TRIM4: variants seen among roughly 807,000 people sequenced by gnomAD.
The protein encoded by TRIM4 is E3 ubiquitin-protein ligase TRIM4.
TRIM4 carries 29 observed loss-of-function variants against 33.7 expected under a neutral mutation model. The ratio of observed to expected loss-of-function variants is 0.86; its 90% confidence interval spans 0.64 to 1.17. The LOEUF (loss-of-function observed/expected upper bound fraction) is 1.17, where lower values mean the gene tolerates loss of function less well. TRIM4 is among the 50% of genes most tolerant of loss of function. The probability of loss-of-function intolerance (pLI) is 0.00; values close to 1 mark genes in which losing one functional copy is unlikely to be tolerated. For synonymous variants in TRIM4, 224 were observed against 233.0 expected (o/e 0.96, Z 0.35); for missense variants, 554 against 593.7 (o/e 0.93, Z 0.69).
At chr7:99,916,698 T>C (rs946293202) in intron 1 of TRIM4, 12 of 780,900 alleles carry the variant, frequency 1.5e-5, no homozygotes, top group South Asian at 5.4e-5. Flanking sequence ...CAGGTCTTTA[T>C]TACCTCCTGC....
chr7:99,909,878 T>C (rs1037696519), intron 1 of TRIM4, among the ~76,000 whole-genome samples: 77 of 151,328 alleles, frequency 5.1e-4, no homozygotes, highest in Non-Finnish European at 9.4e-4. Context: ...ACTACAGGCA[T>C]GCTCCGTCAG....
intron 5 of TRIM4, chr7:99,902,231 C>A: frequency 1.3e-6 from 1 of 743,396 alleles, no homozygotes; most frequent in South Asian, 1.4e-5. Context: ...AGTGAACACC[C>A]ACAACATGGT....
intron 5 of TRIM4, among the ~76,000 whole-genome samples, chr7:99,895,914 ATG>A (rs1285351622): frequency 6.6e-6 from 1 of 151,658 alleles, no homozygotes; most frequent in African/African-American, 2.4e-5. Context: ...TTCATATTTA[ATG>A]TGTTTCTTTT....
chr7:99,908,939 C>G (rs1819371923), intron 2 of TRIM4, 127 bp from the exon 3 acceptor site: 1 of 801,744 alleles, frequency 1.2e-6, no homozygotes, highest in Admixed American at 2.9e-5. Flanking sequence ...CTGCCCACCC[C>G]CACTAAAATT....
intron 4 of TRIM4, 63 bp downstream of exon 4, chr7:99,903,513 C>T: frequency 6.2e-7 from 1 of 1,605,670 alleles, no homozygotes. Flanking sequence ...CTTGTTTCCC[C>T]TCTGCTCAGC....
intron 1 of TRIM4, 139 bp downstream of exon 1, chr7:99,918,870 T>C (rs1325590604): frequency 4.3e-6 from 5 of 1,166,766 alleles, no homozygotes; most frequent in Non-Finnish European, 5.7e-6. Flanking sequence ...CGTGTTTTGC[T>C]TAACTTCTTT....
chr7:99,900,742 G>GC (rs975470300), intron 5 of TRIM4, among the ~76,000 whole-genome samples: 1 of 152,128 alleles, frequency 6.6e-6, no homozygotes, highest in Non-Finnish European at 1.5e-5. Flanking sequence ...TAGGTTAACA[G>GC]TTTTTTTCTT....
Position 99,891,658 on chromosome 7 carries a change from T to A in TRIM4, c.*505A>T, listed in dbSNP as rs1440779312. 1 of 153,616 alleles carries A rather than the reference T, an allele frequency of 6.5e-6. No homozygotes were observed. Among genetic ancestry groups the A allele is most frequent in the Non-Finnish European group, 1.4e-5 (1 of 68,996 alleles). The allele number at this position is 153,616 out of a possible 1,614,324, so 9.5% of individuals were successfully genotyped here. A position where few individuals can be genotyped will look rare whatever the true frequency, so the allele number is the denominator to read the frequency against. ...AAATTTCACAAAAGTGACTTAAGCC[T>A]ATACTGCGGGATGTTCACACTACGT... On this transcript the variant is annotated 3_prime_UTR_variant, in exon 6 of 6. Coordinates refer to ENST00000349062, the MANE Select transcript of TRIM4 (RefSeq NM_033091.3).
chr7:99,896,216 C>G (rs1819013478), intron 5 of TRIM4, among the ~76,000 whole-genome samples: 1 of 152,098 alleles, frequency 6.6e-6, no homozygotes, highest in Non-Finnish European at 1.5e-5. Flanking sequence ...CACCTGACAG[C>G]AATAACTCAA....
At chr7:99,912,303 G>C (rs1285829140) in intron 1 of TRIM4, among the ~76,000 whole-genome samples, 2 of 152,212 alleles carry the variant, frequency 1.3e-5, no homozygotes, top group Admixed American at 6.5e-5. Flanking sequence ...GGCCAAGGCA[G>C]GTGGACAGCT....
chr7:99,911,107 T>C (rs1162827300), intron 1 of TRIM4, among the ~76,000 whole-genome samples: 4 of 152,198 alleles, frequency 2.6e-5, no homozygotes, highest in Non-Finnish European at 5.9e-5. Context: ...CAAGTGGATA[T>C]GTTAGCAATT....
intron 5 of TRIM4, chr7:99,902,304 T>C: frequency 1.5e-6 from 1 of 658,198 alleles, no homozygotes; most frequent in South Asian, 1.7e-5. Context: ...TGGAGTGCAG[T>C]GGATACAATC....
At chr7:99,896,890 C>T (rs2527919) in intron 5 of TRIM4, among the ~76,000 whole-genome samples, 97,190 of 152,202 alleles carry the variant, frequency 0.64, 32,712 homozygotes, top group African/African-American at 0.85. Flanking sequence ...TGCAGTTGGC[C>T]GGCCAGTCCT....
intron 2 of TRIM4, among the ~76,000 whole-genome samples, 159 bp from the exon 3 acceptor site, chr7:99,908,971 C>G (rs1819372486): frequency 6.6e-6 from 1 of 152,190 alleles, no homozygotes; most frequent in African/African-American, 2.4e-5. Flanking sequence ...TTTATTTATA[C>G]CTACTTGATA....
chr7:99,901,940 G>A (rs893358987), intron 5 of TRIM4: 32 of 599,926 alleles, frequency 5.3e-5, no homozygotes, highest in Non-Finnish European at 8.3e-5. Context: ...TTTGTTCTCC[G>A]TGAACTCCCA....
At chr7:99,913,524 A>G (rs1819489662) in intron 1 of TRIM4, among the ~76,000 whole-genome samples, 1 of 152,026 alleles carries the variant, frequency 6.6e-6, no homozygotes. Context: ...AAAAAAAATT[A>G]GCCGGGCATG....
At chr7:99,909,537 A>G in intron 2 of TRIM4, 28 bp downstream of exon 2, 2 of 1,604,012 alleles carry the variant, frequency 1.2e-6, no homozygotes, top group African/African-American at 2.7e-5. Flanking sequence ...CTCAGGAGCA[A>G]GAAATATCCA....
At chr7:99,912,343 C>G (rs1455786223) in intron 1 of TRIM4, among the ~76,000 whole-genome samples, 1 of 151,962 alleles carries the variant, frequency 6.6e-6, no homozygotes, top group Non-Finnish European at 1.5e-5. Flanking sequence ...CCAGCCTGGG[C>G]AACATGGTGA....
chr7:99,911,276 G>A (rs1282332355), intron 1 of TRIM4, among the ~76,000 whole-genome samples: 5 of 152,080 alleles, frequency 3.3e-5, no homozygotes, highest in African/African-American at 1.2e-4. Flanking sequence ...GCAGTATGTA[G>A]AAAATAAAAA....
Sources: allele counts gnomAD v4.1 joint callset (sites outside exome capture counted in the v4.1 genomes callset), GRCh38; gene constraint gnomAD v4.1.1; transcripts MANE v1.5; gene names NCBI Gene and HGNC (gene_info 2026-07-23, HGNC 2026-07-21).